Variants in MADD observed in about 807,000 individuals in gnomAD.
MADD encodes MAP kinase-activating death domain protein.
A neutral mutation model predicts 176.7 loss-of-function variants in MADD; 109 were observed. The ratio of observed to expected loss-of-function variants is 0.62; its 90% CI spans 0.53 to 0.72. The LOEUF is 0.72. MADD is among the 30% of genes least tolerant of loss of function. MADD has a pLI of 0.00. For synonymous variants in MADD, 771 were observed against 771.3 expected (o/e 1.00, Z 0.01); for missense variants, 1,914 against 2,045.5 (o/e 0.94, Z 1.24).
intron 27 of MADD, among the ~76,000 whole-genome samples, chr11:47,315,765 G>A (rs1012699828): frequency 2.0e-5 from 3 of 151,336 alleles, no homozygotes; most frequent in South Asian, 2.1e-4. Flanking sequence ...ATGAGCCACC[G>A]CACCCGGCCA....
At position 47,285,497 on chromosome 11, in the gene MADD, T is replaced by G. The variant is rs778218513; in HGVS notation, c.2458T>G (p.Ser820Ala). 6 of 1,613,968 alleles carry G rather than the reference T, an allele frequency of 3.7e-6. No homozygotes were observed. The East Asian group carries it at 6.7e-5, about 18-fold the overall frequency. ...CAACAGCTTGAGACTGGCAAGTGACTCAGATGCAGAGTCAGACTCTCGGGC... is the reference window on the plus strand; with the variant it reads ...CAACAGCTTGAGACTGGCAAGTGACGCAGATGCAGAGTCAGACTCTCGGGC... The change falls in exon 14 of 33, where the codon TCA (serine) becomes GCA (alanine). Residue 820 changes from serine (S) to alanine (A), a missense_variant. By Grantham distance (99) the Ser-to-Ala change is moderately conservative (BLOSUM62 1). Coordinates refer to ENST00000402192, the Ensembl canonical transcript of MADD.
chr11:47,291,794 C>G (rs2065533401), intron 19 of MADD, among the ~76,000 whole-genome samples: 2 of 152,224 alleles, frequency 1.3e-5, no homozygotes, highest in South Asian at 4.1e-4. Flanking sequence ...GTATCTGTCT[C>G]TTCATCTGGG....
intron 21 of MADD, 90 bp from the exon 24 acceptor site, chr11:47,295,807 C>CT: frequency 2.6e-6 from 4 of 1,530,862 alleles, no homozygotes; most frequent in Non-Finnish European, 3.5e-6. Context: ...AAATTTAATA[C>CT]TTTTTTATGG....
At chr11:47,291,313 A>ACTATAC (rs1034533332) in intron 19 of MADD, among the ~76,000 whole-genome samples, 1 of 152,176 alleles carries the variant, frequency 6.6e-6, no homozygotes, top group Admixed American at 6.5e-5. Flanking sequence ...TTTGAGGTAT[A>ACTATAC]GGTTTCCAAG....
Position 47,276,726 on chromosome 11 carries a change from T to G in MADD, c.964-6T>G. The G allele has an allele frequency of 6.2e-7, 1 of 1,614,072 alleles. No individual in the cohort carries two copies. The highest frequency in any genetic ancestry group is 8.5e-7 in the Non-Finnish European group (1 of 1,179,974). ...GGAGTGATTCTTACTGGATGGCTCATGACAGGTGGTGCTACAGTCCCGAGA... is the reference window on the plus strand; with the variant it reads ...GGAGTGATTCTTACTGGATGGCTCAGGACAGGTGGTGCTACAGTCCCGAGA... On this transcript the variant is annotated splice_region_variant and splice_polypyrimidine_tract_variant and intron_variant, in intron 4 of 32. Coordinates refer to ENST00000402192, the Ensembl canonical transcript of MADD.
intron 8 of MADD, 151 bp from the exon 9 acceptor site, chr11:47,282,230 G>A (rs2057466096): frequency 7.9e-6 from 5 of 629,566 alleles, no homozygotes; most frequent in Admixed American, 2.8e-5. Context: ...ACGTGCTCAG[G>A]ATGAAGAGGG....
intron 22 of MADD, among the ~76,000 whole-genome samples, chr11:47,304,831 TG>T (rs1457881545): frequency 6.6e-6 from 1 of 152,196 alleles, no homozygotes; most frequent in Non-Finnish European, 1.5e-5. Flanking sequence ...CTTATGTCTC[TG>T]TGTTGATACC....
chr11:47,320,741 G>C (rs183338893), intron 27 of MADD, among the ~76,000 whole-genome samples: 1 of 151,978 alleles, frequency 6.6e-6, no homozygotes, highest in Non-Finnish European at 1.5e-5. Context: ...GGGCAACATA[G>C]GGAAACCCCG....
At chr11:47,281,265 ATAAT>A (rs1471456610) in intron 7 of MADD, among the ~76,000 whole-genome samples, 2 of 152,244 alleles carry the variant, frequency 1.3e-5, no homozygotes, top group Non-Finnish European at 2.9e-5. Flanking sequence ...AATGACTATA[ATAAT>A]TTTGCAAACG....
At chr11:47,290,004 G>C in exon 17 of MADD, 1 of 1,614,188 alleles carries the variant, frequency 6.2e-7, no homozygotes, top group Non-Finnish European at 8.5e-7. Flanking sequence ...AAGCTGAACC[G>C]CATGGTGCAG....
intron 1 of MADD, among the ~76,000 whole-genome samples, chr11:47,272,810 A>G (rs2045935060): frequency 6.6e-6 from 1 of 152,110 alleles, no homozygotes; most frequent in African/African-American, 2.4e-5. Context: ...AGCCTCTGTA[A>G]TGTATAGTAG....
Position 47,275,989 on chromosome 11 carries a change from G to A in MADD, c.750G>A (p.Trp250Ter). 5.6e-6 allele frequency: 9 copies of A among 1,614,166 alleles called. No individual in the cohort carries two copies. Among genetic ancestry groups the A allele is most frequent in the Non-Finnish European group, 7.6e-6 (9 of 1,180,028 alleles). The change falls in exon 4 of 33, where the codon TGG (tryptophan) becomes TGA (stop). Residue 250 changes from tryptophan to a stop codon, truncating the protein, a stop_gained. Coordinates refer to ENST00000402192, the Ensembl canonical transcript of MADD. LOFTEE classifies it high-confidence loss of function. ...ATGACCTTCGAGAGATTGAGGCCTG[G>A]ATCTATCGATTGCTGCGCTCCCCAG... is the stretch of plus-strand genomic sequence containing the variant.
intron 10 of MADD, among the ~76,000 whole-genome samples, chr11:47,283,352 C>G (rs2058381408): frequency 6.6e-6 from 1 of 152,146 alleles, no homozygotes; most frequent in Non-Finnish European, 1.5e-5. Context: ...CTCGGCCTCC[C>G]AAAGTGCTGA....
chr11:47,296,774 T>G (rs1242901552), intron 22 of MADD, among the ~76,000 whole-genome samples: 1 of 149,826 alleles, frequency 6.7e-6, no homozygotes, highest in Non-Finnish European at 1.5e-5. Context: ...GTTTTTTTTT[T>G]TTTTTTTTTT....
At chr11:47,310,910 A>C (rs1374889628) in intron 25 of MADD, among the ~76,000 whole-genome samples, 1 of 148,942 alleles carries the variant, frequency 6.7e-6, no homozygotes, top group African/African-American at 2.4e-5. Flanking sequence ...TCCATCTCAA[A>C]AAAAAAAAAA....
At chr11:47,303,053 GACTT>G (rs760052551) in intron 22 of MADD, among the ~76,000 whole-genome samples, 9 of 151,964 alleles carry the variant, frequency 5.9e-5, no homozygotes, top group Non-Finnish European at 1.2e-4. Context: ...GTCTGGGAAA[GACTT>G]AGTTTATCCT....
intron 27 of MADD, among the ~76,000 whole-genome samples, chr11:47,316,367 G>A (rs2092930153): frequency 6.7e-6 from 1 of 149,084 alleles, no homozygotes; most frequent in African/African-American, 2.5e-5. Context: ...AATTCCAGTG[G>A]ATTTTTTTTT....
intron 15 of MADD, among the ~76,000 whole-genome samples, chr11:47,287,263 A>G (rs1308723094): frequency 6.6e-6 from 1 of 152,044 alleles, no homozygotes; most frequent in Non-Finnish European, 1.5e-5. Flanking sequence ...CGGAGGTTGC[A>G]GTGAGCCGAG....
At position 47,284,625 on chromosome 11, in the gene MADD, A is replaced by G. The variant is rs1369966177; in HGVS notation, c.2157+60A>G. ...GCCTGGGATGTGGGCCTCATCTATT[A>G]GGAAAGCCAGGCTGTAGCTATTCAT... On this transcript the variant is annotated intron_variant, in intron 12 of 32. Transcript: ENST00000402192. The G allele has an allele frequency of 1.9e-6, 3 of 1,560,368 alleles. No individual in the cohort carries two copies. In the East Asian group the frequency reaches 7.0e-5, roughly 37 times the overall value.
Sources: gnomAD v4.1 joint callset for allele counts (sites outside exome capture counted in the v4.1 genomes callset) on GRCh38, gnomAD v4.1.1 for gene constraint, MANE v1.5 for transcripts, NCBI Gene and HGNC (gene_info 2026-07-23, HGNC 2026-07-21) for gene names.